Variants in ITIH4 observed in about 807,000 individuals in gnomAD.
ITIH4 encodes the protein inter-alpha-trypsin inhibitor heavy chain 4, also known as inter-alpha-trypsin inhibitor heavy chain H4.
ITIH4 carries 79 observed loss-of-function variants against 111.8 expected under a neutral mutation model. The ratio of observed to expected loss-of-function variants is 0.71; its 90% CI spans 0.59 to 0.85. The LOEUF (loss-of-function observed/expected upper bound fraction) is 0.85. Among genes scored for constraint, ITIH4 ranks in the 40% least tolerant of loss-of-function variants. The pLI, the probability that ITIH4 is intolerant of heterozygous loss-of-function variation, is 0.00. For missense variants in ITIH4, 1,065 were observed against 1,195.8 expected (o/e 0.89, Z 1.61); for synonymous variants, 472 against 468.3 (o/e 1.01, Z -0.10).
intron 1 of ITIH4, 177 bp downstream of exon 1, chr3:52,830,376 G>A: frequency 1.4e-6 from 1 of 709,758 alleles, no homozygotes; most frequent in Non-Finnish European, 2.6e-6. Context: ...TATTAGGTGG[G>A]AGAATACCAG....
At chr3:52,826,081 C>G in intron 5 of ITIH4, 67 bp from the exon 6 acceptor site, 1 of 1,594,128 alleles carries the variant, frequency 6.3e-7, no homozygotes, top group Non-Finnish European at 8.6e-7. Flanking sequence ...CCCTCTACCC[C>G]TGTCTGTATA....
rs1268859248 is a variant in ITIH4, at chr3:52,824,596, A to G, written c.877-31T>C. On this transcript the variant is annotated intron_variant, in intron 7 of 23. Coordinates refer to ENST00000266041, the MANE Select transcript of ITIH4 (RefSeq NM_002218.5). The surrounding 1 kb of genome is among the most constrained non-coding windows in gnomAD (Gnocchi z 4.3). Reference sequence around the variant, plus strand: ...CAGGGAGAGGAAACATAGGTGCTTCAGAAGGGCTCCCTGAGGGCTCGTGTG... The same window carrying G: ...CAGGGAGAGGAAACATAGGTGCTTCGGAAGGGCTCCCTGAGGGCTCGTGTG... 1 of 1,592,466 alleles carries G rather than the reference A, an allele frequency of 6.3e-7. No homozygotes were observed. Among genetic ancestry groups the G allele is most frequent in the Non-Finnish European group, 8.5e-7 (1 of 1,170,142 alleles).
intron 1 of ITIH4, 180 bp downstream of exon 1, chr3:52,830,373 T>C (rs374119044): frequency 1.6e-5 from 11 of 705,372 alleles, no homozygotes; most frequent in African/African-American, 3.5e-5. Flanking sequence ...CTCTATTAGG[T>C]GGGAGAATAC....
rs111809407 is a variant in ITIH4, at chr3:52,823,820, C to T, written c.1353+3G>A. ...GTGCAGCCCACCTGGGGCACACTGG[C>T]ACCTGGAGCTGCAGGGCAGAGTCTG... On this transcript the variant is annotated splice_donor_region_variant and intron_variant, in intron 10 of 23. Coordinates refer to ENST00000266041, the MANE Select transcript of ITIH4 (RefSeq NM_002218.5). 3.1e-6 allele frequency: 5 copies of T among 1,613,838 alleles called. No individual in the cohort carries two copies. In the East Asian group the frequency reaches 1.1e-4, roughly 36 times the overall value.
In ITIH4 at chr3:52,818,285, T is replaced by C. The variant is rs1240346958; in HGVS notation, c.2153-2A>G. ...GGGTTTGGGTTGTCATGGTTGTTTCTAAAAGAAGAAAAAGTCTGGGTTTAG... is the reference window on the plus strand; with the variant it reads ...GGGTTTGGGTTGTCATGGTTGTTTCCAAAAGAAGAAAAAGTCTGGGTTTAG... On this transcript the variant is annotated splice_acceptor_variant, in intron 18 of 23. Transcript: ENST00000266041. LOFTEE classifies it high-confidence loss of function. 3 of 1,576,604 alleles carry C rather than the reference T, an allele frequency of 1.9e-6. No individual in the cohort carries two copies. In the Admixed American group the frequency reaches 5.5e-5, roughly 29 times the overall value.
At position 52,821,237 on chromosome 3, in the gene ITIH4, A is replaced by G. The variant is rs942448025; in HGVS notation, c.1540-107T>C. ...ATTGGGGCTGGGGCAGGTCCCACAC[A>G]CTGACTGTGGGGACTGCATTTCCTT... On this transcript the variant is annotated intron_variant, in intron 11 of 23. Transcript: ENST00000266041. 1.6e-5 allele frequency: 21 copies of G among 1,330,418 alleles called. No homozygotes were observed. The East Asian group carries it at 4.2e-4, about 27-fold the overall frequency. The allele number at this position is 1,330,418 out of a possible 1,614,324, so 82.4% of individuals were successfully genotyped here.
At chr3:52,826,513 C>T (rs1254860969) in intron 5 of ITIH4, 28 bp downstream of exon 5, 2 of 1,558,428 alleles carry the variant, frequency 1.3e-6, no homozygotes, top group African/African-American at 1.4e-5. Context: ...CCCTTGGTAC[C>T]CTCACCTGCT....
intron 17 of ITIH4, chr3:52,818,766 C>T: frequency 1.8e-6 from 1 of 566,618 alleles, no homozygotes; most frequent in Non-Finnish European, 3.1e-6. Flanking sequence ...GAAAACAGTT[C>T]AAGGGACCTC....
chr3:52,827,307 C>T, intron 2 of ITIH4, 110 bp from the exon 3 acceptor site: 1 of 856,326 alleles, frequency 1.2e-6, no homozygotes, highest in Non-Finnish European at 2.0e-6. Context: ...GACACAGTGA[C>T]TCCCATCTTT....
In ITIH4 at chr3:52,824,218, G is replaced by C; in HGVS notation, c.1143C>G (p.Ile381Met). ...RLPEGSVSLI[I>M]LLTDGDPTVG... The stretch of plus-strand genomic sequence containing the variant: ...CAGTGGGGTCGCCATCGGTGAGCAG[G>C]ATGATGAGTGAGACACTCCCTTCGG... Residue 381 changes from isoleucine to methionine, a missense_variant, in exon 9 of 24, where the codon ATC becomes ATG. Physicochemically the swap from Ile to Met is conservative, Grantham distance 10. Transcript: ENST00000266041. The surrounding 1 kb of genome is among the most constrained non-coding windows in gnomAD (Gnocchi z 4.3). 6.2e-7 allele frequency: 1 copy of C among 1,613,464 alleles called. No individual in the cohort carries two copies. The highest frequency in any genetic ancestry group is 8.5e-7 in the Non-Finnish European group (1 of 1,180,022).
In ITIH4 at chr3:52,824,208, C is replaced by A; in HGVS notation, c.1153G>T (p.Asp385Tyr). 6.2e-7 allele frequency: 1 copy of A among 1,613,390 alleles called. No homozygotes were observed. Among genetic ancestry groups the A allele is most frequent in the Non-Finnish European group, 8.5e-7 (1 of 1,180,010 alleles). Residue 385 changes from aspartate (D) to tyrosine (Y), a missense_variant, in exon 9 of 24, where the codon GAT becomes TAT. Physicochemically the swap from Asp to Tyr is radical, Grantham distance 160. Coordinates refer to ENST00000266041, the MANE Select transcript of ITIH4 (RefSeq NM_002218.5). The surrounding 1 kb of genome is among the most constrained non-coding windows in gnomAD (Gnocchi z 4.3). ...CCCTCACCCACAGTGGGGTCGCCAT[C>A]GGTGAGCAGGATGATGAGTGAGACA... Reference protein sequence around the residue: ...GSVSLIILLTDGDPTVGETNP... With the variant: ...GSVSLIILLTYGDPTVGETNP...
chr3:52,818,608 C>A, intron 17 of ITIH4, 72 bp from the exon 18 acceptor site: 1 of 1,256,046 alleles, frequency 8.0e-7, no homozygotes. Context: ...AGCAGCGCTG[C>A]CACCAAGCTC....
rs200460064 is a variant in ITIH4 at position 52,829,262 on chromosome 3, G to A, written c.108C>T (p.Tyr36=). 348 of 1,611,522 alleles carry A rather than the reference G, an allele frequency of 2.2e-4. 1 individual carries two copies. Among genetic ancestry groups the A allele is most frequent in the Admixed American group, 2.2e-3 (129 of 59,954 alleles). ...AGACCCTGGAGTCCACGGTGAGGCTGTAGATGTCGATGCCATTCTGGACCA... is the reference window on the plus strand; with the variant it reads ...AGACCCTGGAGTCCACGGTGAGGCTATAGATGTCGATGCCATTCTGGACCA... ...TTAEKNGIDI[Y]SLTVDSRVSS... is the part of the protein sequence containing the mutation. Residue 36 remains tyrosine, a synonymous_variant, in exon 2 of 24, where the codon TAC becomes TAT. Transcript: ENST00000266041.
chr3:52,826,060 G>A, intron 5 of ITIH4, 46 bp from the exon 6 acceptor site: 2 of 1,611,558 alleles, frequency 1.2e-6, no homozygotes, highest in Non-Finnish European at 1.7e-6. Flanking sequence ...AGCAAAGCCA[G>A]GCCAACAACA....
intron 20 of ITIH4, 59 bp from the exon 21 acceptor site, chr3:52,817,117 T>A: frequency 6.7e-7 from 1 of 1,481,928 alleles, no homozygotes; most frequent in Non-Finnish European, 9.3e-7. Flanking sequence ...GACACCGACC[T>A]GCATGGGGAG....
Position 52,824,642 on chromosome 3 carries a change from G to T in ITIH4, c.877-77C>A, listed in dbSNP as rs1700453959. The T allele has an allele frequency of 6.8e-7, 1 of 1,471,514 alleles. No homozygotes were observed. The highest frequency in any genetic ancestry group is 9.2e-7 in the Non-Finnish European group (1 of 1,082,828). 91.2% of individuals were successfully genotyped at this position (1,471,514 alleles called of 1,614,324 possible). A position where few individuals can be genotyped will look rare whatever the true frequency, so the allele number is the denominator to read the frequency against. ...GTGTGCCCTAGGGCTGGCATCCTTG[G>T]ACTCCTGTCTCAGGGGTGAGGTCAT... On this transcript the variant is annotated intron_variant, in intron 7 of 23. Coordinates refer to ENST00000266041, the MANE Select transcript of ITIH4 (RefSeq NM_002218.5). The surrounding 1 kb of genome is among the most constrained non-coding windows in gnomAD (Gnocchi z 4.3).
chr3:52,814,143 C>A, intron 22 of ITIH4, 66 bp downstream of exon 22: 1 of 1,602,584 alleles, frequency 6.2e-7, no homozygotes, highest in Non-Finnish European at 8.5e-7. Flanking sequence ...AGGGGAGGGG[C>A]GCTGCCTGTT....
At position 52,824,987 on chromosome 3, in the gene ITIH4, C is replaced by T. The variant is rs1467874060; in HGVS notation, c.760-29G>A. On this transcript the variant is annotated intron_variant, in intron 6 of 23. Coordinates refer to ENST00000266041, the MANE Select transcript of ITIH4 (RefSeq NM_002218.5). The surrounding 1 kb of genome is among the most constrained non-coding windows in gnomAD (Gnocchi z 4.3). ...TGGCCAGAGTGAGACCCACCCAGGC[C>T]ATCAGAGCTACAATTGGCCCTATCC... is the stretch of plus-strand genomic sequence containing the variant. The T allele has an allele frequency of 6.7e-7, 1 of 1,503,702 alleles. No homozygotes were observed. The highest frequency in any genetic ancestry group is 1.2e-5 in the South Asian group (1 of 85,872). 93.1% of individuals were successfully genotyped at this position (1,503,702 alleles called of 1,614,324 possible). A position where few individuals can be genotyped will look rare whatever the true frequency, so the allele number is the denominator to read the frequency against.
At chr3:52,819,540 C>T in intron 16 of ITIH4, 22 bp from the exon 17 acceptor site, 1 of 1,613,910 alleles carries the variant, frequency 6.2e-7, no homozygotes, top group Non-Finnish European at 8.5e-7. Flanking sequence ...TCGACAGATG[C>T]AGTCTTCTCT....
Sources: allele counts gnomAD v4.1 joint callset, GRCh38; gene constraint gnomAD v4.1.1; non-coding constraint Gnocchi (gnomAD v3.1); transcripts MANE v1.5; gene names NCBI Gene and HGNC (gene_info 2026-07-23, HGNC 2026-07-21).